Variants in SUCLG2 observed in about 807,000 individuals in gnomAD.
The protein encoded by SUCLG2 is succinate--CoA ligase [GDP-forming] subunit beta, mitochondrial.
In SUCLG2, 42 loss-of-function variants were observed where a neutral mutation model predicts 47.9. That is an observed-to-expected ratio of 0.88 (90% CI 0.69 to 1.14). SUCLG2 has a LOEUF of 1.14. Ranked by LOEUF, SUCLG2 falls within the 50% of genes most tolerant of loss-of-function variation. The pLI, the probability that SUCLG2 is intolerant of heterozygous loss-of-function variation, is 0.00. For synonymous variants in SUCLG2, 195 were observed against 197.3 expected (o/e 0.99, Z 0.10); for missense variants, 571 against 525.9 (o/e 1.09, Z -0.84).
At chr3:67,362,625 G>T (rs1299918226) in intron 10 of SUCLG2, among the ~76,000 whole-genome samples, 1 of 152,120 alleles carries the variant, frequency 6.6e-6, no homozygotes, top group Non-Finnish European at 1.5e-5. Context: ...TAACGCAGCA[G>T]ATAATATAGT....
intron 2 of SUCLG2, among the ~76,000 whole-genome samples, chr3:67,550,802 C>A (rs574105502): frequency 1.3e-5 from 2 of 151,942 alleles, no homozygotes; most frequent in Admixed American, 6.6e-5. Context: ...GGGGTCTGAG[C>A]GGCTTTGGCC....
intron 9 of SUCLG2, among the ~76,000 whole-genome samples, chr3:67,482,972 A>G (rs910556406): frequency 2.0e-5 from 3 of 152,208 alleles, no homozygotes; most frequent in African/African-American, 4.8e-5. Flanking sequence ...AGAGATAACA[A>G]TTAATGAAAA....
intron 1 of SUCLG2, among the ~76,000 whole-genome samples, chr3:67,628,498 A>G (rs1400222097): frequency 5.3e-5 from 8 of 152,232 alleles, no homozygotes; most frequent in Admixed American, 3.3e-4. Context: ...CTAGCTGACC[A>G]CAGGACTTTT....
intron 6 of SUCLG2, among the ~76,000 whole-genome samples, chr3:67,511,659 T>C (rs1283051040): frequency 6.6e-6 from 1 of 152,228 alleles, no homozygotes; most frequent in African/African-American, 2.4e-5. Flanking sequence ...ATGTCTTTAT[T>C]ATCAGCGTGA....
chr3:67,418,238 G>A (rs938712532), intron 9 of SUCLG2, among the ~76,000 whole-genome samples: 6 of 152,150 alleles, frequency 3.9e-5, no homozygotes, highest in Non-Finnish European at 8.8e-5. Flanking sequence ...AAGGCACTAA[G>A]CCCAGTACGT....
intron 2 of SUCLG2, among the ~76,000 whole-genome samples, chr3:67,578,029 G>T (rs745505245): frequency 2.0e-5 from 3 of 151,814 alleles, no homozygotes; most frequent in African/African-American, 7.3e-5. Flanking sequence ...AAGACCAGGG[G>T]TTTATTTTGT....
intron 9 of SUCLG2, among the ~76,000 whole-genome samples, chr3:67,442,797 T>C (rs186327762): frequency 3.3e-4 from 51 of 152,334 alleles, no homozygotes; most frequent in Non-Finnish European, 6.2e-4. Context: ...GCTAAACATA[T>C]TTATTCACAA....
intron 6 of SUCLG2, among the ~76,000 whole-genome samples, chr3:67,509,577 C>A (rs187236657): frequency 1.3e-5 from 2 of 152,310 alleles, no homozygotes; most frequent in Non-Finnish European, 2.9e-5. Flanking sequence ...TTTCAACCAA[C>A]ATTTCTCCAC....
rs1700809952 is a variant in SUCLG2, at chr3:67,625,453, T to A, written c.85-15857A>T. ...AAATGCACCACAGTGGGGATTTGGT[T>A]CTATGACCTTCCACCAGGTAGATCC... On this transcript the variant is annotated intron_variant, in intron 1 of 10. Coordinates refer to ENST00000307227, the MANE Select transcript of SUCLG2 (RefSeq NM_003848.4). Among the ~76,000 whole-genome samples, 3 of 152,062 alleles carry A rather than the reference T, an allele frequency of 2.0e-5. No homozygotes were observed. In the South Asian group the frequency reaches 6.2e-4, roughly 32 times the overall value.
chr3:67,511,299 T>C (rs1000298926), intron 6 of SUCLG2, among the ~76,000 whole-genome samples: 2 of 152,310 alleles, frequency 1.3e-5, no homozygotes, highest in East Asian at 1.9e-4. Flanking sequence ...TTTGTCAGTG[T>C]GTTAGGTGAA....
chr3:67,642,597 A>C (rs1248320146), intron 1 of SUCLG2, among the ~76,000 whole-genome samples: 1 of 152,190 alleles, frequency 6.6e-6, no homozygotes, highest in Admixed American at 6.5e-5. Flanking sequence ...CCTGGATGAC[A>C]CAACAAGACC....
rs182561499 is a variant in SUCLG2 at position 67,577,410 on chromosome 3, A to T, written c.226+32045T>A. ...ACAAAATAATTAGGACTCAGAGCAG[A>T]GCTTGGTTCATAAGTTTAAGTAGAA... On this transcript the variant is annotated intron_variant, in intron 2 of 10. Coordinates refer to ENST00000307227, the MANE Select transcript of SUCLG2 (RefSeq NM_003848.4). Among the ~76,000 whole-genome samples, 14 of 152,352 alleles carry T rather than the reference A, an allele frequency of 9.2e-5. No individual in the cohort carries two copies. The East Asian group carries it at 2.7e-3, about 29-fold the overall frequency.
chr3:67,453,947 T>C (rs140547062), intron 9 of SUCLG2, among the ~76,000 whole-genome samples: 1 of 151,648 alleles, frequency 6.6e-6, no homozygotes, highest in Non-Finnish European at 1.5e-5. Flanking sequence ...TTGTCGTGCA[T>C]TTTGTGTGTG....
intron 4 of SUCLG2, among the ~76,000 whole-genome samples, chr3:67,526,963 G>C (rs1368902464): frequency 6.6e-6 from 1 of 152,116 alleles, no homozygotes; most frequent in Non-Finnish European, 1.5e-5. Context: ...AACAAACTGT[G>C]GTAGGTACAT....
intron 9 of SUCLG2, among the ~76,000 whole-genome samples, chr3:67,457,868 A>G (rs1292535951): frequency 6.6e-6 from 1 of 152,060 alleles, no homozygotes; most frequent in Non-Finnish European, 1.5e-5. Flanking sequence ...GTCAACGTTT[A>G]TAAATGCCCT....
chr3:67,410,520 C>G (rs1279494653), intron 9 of SUCLG2, among the ~76,000 whole-genome samples: 1 of 152,090 alleles, frequency 6.6e-6, no homozygotes, highest in Non-Finnish European at 1.5e-5. Context: ...GCCATAGTTC[C>G]CGTATCCTTT....
In SUCLG2 at chr3:67,633,315, T is replaced by C. The variant is rs571020550; in HGVS notation, c.84+21188A>G. On this transcript the variant is annotated intron_variant, in intron 1 of 10. Transcript: ENST00000307227. ...AAATGTATCCATTAAATATTTATTA[T>C]ATCAATATTCATAAACAATGTAGTA... is the stretch of plus-strand genomic sequence containing the variant. 5.3e-5 allele frequency among the ~76,000 whole-genome samples: 8 copies of C among 152,332 alleles called. No individual in the cohort carries two copies. In the East Asian group the frequency reaches 7.7e-4, roughly 15 times the overall value.
At chr3:67,600,641 C>A (rs911462863) in intron 2 of SUCLG2, among the ~76,000 whole-genome samples, 2 of 152,162 alleles carry the variant, frequency 1.3e-5, no homozygotes, top group Admixed American at 1.3e-4. Context: ...TCTTCTTTTT[C>A]CTAAGCATGG....
chr3:67,524,809 G>A lies in SUCLG2; in HGVS notation c.417+3323C>T, dbSNP rs769665770. 1.1e-4 allele frequency among the ~76,000 whole-genome samples: 16 copies of A among 150,582 alleles called. 1 individual carries two copies. The highest frequency in any genetic ancestry group is 6.0e-4 in the East Asian group (3 of 5,002). ...TAGGGAGCTTGAGGTCCAAGGAAGC[G>A]TATGGTAGTGAGTCTCCTATGTTTT... is the stretch of plus-strand genomic sequence containing the variant. On this transcript the variant is annotated intron_variant, in intron 4 of 10. Transcript: ENST00000307227.
Sources: allele counts gnomAD v4.1 joint callset (sites outside exome capture counted in the v4.1 genomes callset), GRCh38; gene constraint gnomAD v4.1.1; transcripts MANE v1.5; gene names NCBI Gene and HGNC (gene_info 2026-07-23, HGNC 2026-07-21).